Variants in PARP4 observed in about 807,000 individuals in gnomAD.
PARP4 encodes the protein poly(ADP-ribose) polymerase family member 4.
Under a neutral mutation model 187.7 loss-of-function variants are expected in PARP4, and 120 were observed. That is an observed-to-expected ratio of 0.64 (90% CI 0.55 to 0.74). The LOEUF is 0.74. PARP4 is among the 30% of genes least tolerant of loss of function. The pLI is 0.00. For synonymous variants in PARP4, 654 were observed against 740.9 expected (o/e 0.88, Z 1.90); for missense variants, 1,836 against 2,070.5 (o/e 0.89, Z 2.20).
At chr13:24,442,145 C>T (rs3816233) in intron 29 of PARP4, among the ~76,000 whole-genome samples, 177 bp from the exon 30 acceptor site, 11,118 of 104,010 alleles carry the variant, frequency 0.11, 226 homozygotes, top group Middle Eastern at 0.19. Flanking sequence ...TTCCTCTTTA[C>T]GGAGCACTGG....
chr13:24,446,383 A>T (rs1182122948), intron 27 of PARP4, among the ~76,000 whole-genome samples: 1 of 152,232 alleles, frequency 6.6e-6, no homozygotes, highest in Non-Finnish European at 1.5e-5. Flanking sequence ...GGAAAACAAC[A>T]AAGTACAGAC....
intron 1 of PARP4, among the ~76,000 whole-genome samples, chr13:24,505,155 C>T (rs529783262): frequency 6.6e-6 from 1 of 151,946 alleles, no homozygotes; most frequent in Non-Finnish European, 1.5e-5. Flanking sequence ...CACACACACA[C>T]AGAGGAGAAA....
intron 17 of PARP4, among the ~76,000 whole-genome samples, chr13:24,466,476 T>C (rs772157378): frequency 2.0e-5 from 3 of 152,070 alleles, no homozygotes; most frequent in Non-Finnish European, 2.9e-5. Flanking sequence ...CTACCACACC[T>C]GGCCAACAAT....
At chr13:24,483,354 T>C (rs9553319) in intron 12 of PARP4, among the ~76,000 whole-genome samples, 56,641 of 119,052 alleles carry the variant, frequency 0.48, 13,940 homozygotes, top group South Asian at 0.56. Flanking sequence ...GGCGCGGTGG[T>C]GGGCACCTGT....
At chr13:24,429,148 T>G (rs1870208375) in intron 32 of PARP4, among the ~76,000 whole-genome samples, 1 of 152,232 alleles carries the variant, frequency 6.6e-6, no homozygotes. Context: ...ATACTATATT[T>G]TCCAGTTCTA....
chr13:24,444,752 G>A (rs1044629347), intron 27 of PARP4, among the ~76,000 whole-genome samples: 154 of 152,304 alleles, frequency 1.0e-3, no homozygotes, highest in African/African-American at 3.3e-3. Flanking sequence ...GCAGACATAG[G>A]AGTAGCTCTG....
chr13:24,500,367 C>A lies in PARP4; in HGVS notation c.350G>T (p.Gly117Val). The change falls in exon 4 of 34, where the codon GGT becomes GTT. Residue 117 changes from glycine to valine, a missense_variant. Gly to Val is a moderately radical substitution (Grantham distance 109). Around this residue, in one of 8 missense-constraint regions of PARP4, gnomAD observed 1,147 missense variants for 1,214.2 expected, o/e 0.94. Transcript: ENST00000381989. ...KASSSEVKTE[G>V]LCPDSATEEE... ...CTCTGTGGCACTGTCCGGGCATAGA[C>A]CTTCTGTTTTCACTTCTAGAATTAA... 2.5e-6 allele frequency: 4 copies of A among 1,602,182 alleles called. No homozygotes were observed. The highest frequency in any genetic ancestry group is 3.4e-6 in the Non-Finnish European group (4 of 1,173,238).
intron 17 of PARP4, among the ~76,000 whole-genome samples, chr13:24,462,910 C>T (rs904659846): frequency 6.6e-5 from 10 of 151,948 alleles, no homozygotes; most frequent in South Asian, 6.2e-4. Flanking sequence ...ATATCAAATA[C>T]GGTCTAATGT....
chr13:24,496,281 G>A (rs1298856371), intron 6 of PARP4, among the ~76,000 whole-genome samples: 1 of 152,114 alleles, frequency 6.6e-6, no homozygotes, highest in East Asian at 1.9e-4. Flanking sequence ...AGGGTACAAG[G>A]GTAACAAAAC....
At chr13:24,457,054 A>T (rs1871896306) in intron 20 of PARP4, among the ~76,000 whole-genome samples, 2 of 152,284 alleles carry the variant, frequency 1.3e-5, no homozygotes, top group South Asian at 4.1e-4. Context: ...GGATCCAAAG[A>T]TTATAGATCT....
In PARP4 at chr13:24,435,296, T is replaced by TC. The variant is rs752465972; in HGVS notation, c.3844dup (p.Glu1282GlyfsTer13). 6 of 1,612,818 alleles carry TC rather than the reference T, an allele frequency of 3.7e-6. No homozygotes were observed. In the South Asian group the frequency reaches 6.6e-5, roughly 18 times the overall value. On this transcript the variant is annotated frameshift_variant, in exon 31 of 34. Transcript: ENST00000381989. LOFTEE classifies it high-confidence loss of function. ...TGTCCAACTTAAATCCAATAGCTTT[T>TC]CCACACCTCCACGTTCCAAATTTGA...
chr13:24,440,692 G>T (rs1010532269), intron 30 of PARP4, among the ~76,000 whole-genome samples: 1 of 152,070 alleles, frequency 6.6e-6, no homozygotes, highest in Non-Finnish European at 1.5e-5. Flanking sequence ...TGAAGCGCGG[G>T]CTGGGGTTCA....
chr13:24,501,280 TTTC>T (rs1445684454), intron 3 of PARP4, among the ~76,000 whole-genome samples: 1 of 152,218 alleles, frequency 6.6e-6, no homozygotes, highest in African/African-American at 2.4e-5. Context: ...TTGGAAAGAA[TTTC>T]TTCAGCAAAA....
At chr13:24,458,949 C>T (rs1872037119) in intron 20 of PARP4, 95 bp downstream of exon 20, 1 of 850,576 alleles carries the variant, frequency 1.2e-6, no homozygotes, top group Admixed American at 2.2e-5. Context: ...GTTTTGTCAG[C>T]ATTATTTCAC....
At chr13:24,492,821 C>G (rs41478850) in intron 8 of PARP4, among the ~76,000 whole-genome samples, 1 of 152,160 alleles carries the variant, frequency 6.6e-6, no homozygotes, top group Non-Finnish European at 1.5e-5. Context: ...GAAGAAAGAA[C>G]CAGAGTCTTA....
chr13:24,468,102 T>C (rs1872564526), intron 17 of PARP4, among the ~76,000 whole-genome samples: 1 of 152,118 alleles, frequency 6.6e-6, no homozygotes, highest in African/African-American at 2.4e-5. Flanking sequence ...TACTCAAACA[T>C]ATGGCCCCAT....
At chr13:24,508,155 C>A (rs1253476975) in intron 1 of PARP4, among the ~76,000 whole-genome samples, 4 of 151,662 alleles carry the variant, frequency 2.6e-5, no homozygotes, top group Non-Finnish European at 5.9e-5. Flanking sequence ...CTATGCTAGT[C>A]GTAATCTCTG....
chr13:24,464,683 C>A (rs1311028478), intron 17 of PARP4, among the ~76,000 whole-genome samples: 1 of 152,052 alleles, frequency 6.6e-6, no homozygotes, highest in Non-Finnish European at 1.5e-5. Flanking sequence ...AAACCAAAAA[C>A]TATAAAAACT....
At chr13:24,436,065 T>C (rs1315611951) in intron 30 of PARP4, among the ~76,000 whole-genome samples, 1 of 152,170 alleles carries the variant, frequency 6.6e-6, no homozygotes, top group Non-Finnish European at 1.5e-5. Context: ...CCTTCTCTCT[T>C]AGTTCTTAGT....
Sources: allele counts gnomAD v4.1 joint callset (sites outside exome capture counted in the v4.1 genomes callset), GRCh38; gene constraint gnomAD v4.1.1; regional missense constraint gnomAD v4.1.1; transcripts MANE v1.5; gene names NCBI Gene and HGNC (gene_info 2026-07-23, HGNC 2026-07-21).